PFKFB3: variants seen among roughly 807,000 people sequenced by gnomAD.
PFKFB3 encodes the protein 6-phosphofructo-2-kinase/fructose-2,6-bisphosphatase 3.
PFKFB3 carries 33 observed loss-of-function variants against 68.0 expected under a neutral mutation model. The ratio of observed to expected loss-of-function variants is 0.49; its 90% CI spans 0.37 to 0.65. The LOEUF is 0.65. PFKFB3 is among the 30% of genes least tolerant of loss of function. PFKFB3 has a pLI of 0.00. For synonymous variants in PFKFB3, 315 were observed against 288.2 expected (o/e 1.09, Z -0.94); for missense variants, 586 against 712.2 (o/e 0.82, Z 2.02).
intron 14 of PFKFB3, among the ~76,000 whole-genome samples, chr10:6,230,700 C>T (rs1845678332): frequency 6.6e-6 from 1 of 151,520 alleles, no homozygotes; most frequent in Non-Finnish European, 1.5e-5. Context: ...CCTGGGGTCT[C>T]AAGGCCATGG....
At chr10:6,309,742 A>T in the PFKFB3 span, among the ~76,000 whole-genome samples, 1 of 152,150 alleles carries the variant, frequency 6.6e-6, no homozygotes, top group Non-Finnish European at 1.5e-5. Flanking sequence ...TTTTTGCTTC[A>T]AAATAATCAG....
upstream of PFKFB3, among the ~76,000 whole-genome samples, chr10:6,202,134 C>T (rs1468743842): frequency 6.6e-6 from 1 of 152,208 alleles, no homozygotes; most frequent in Non-Finnish European, 1.5e-5. Flanking sequence ...GAATGGTGTA[C>T]ATGGTGAGTG....
At chr10:6,208,143 C>T (rs1053847071) in intron 1 of PFKFB3, among the ~76,000 whole-genome samples, 8 of 152,122 alleles carry the variant, frequency 5.3e-5, no homozygotes, top group Admixed American at 3.9e-4. Context: ...GGTGCAATCA[C>T]GTCTCATTGA....
At chr10:6,161,060 C>T (rs563515563) in intron 1 of PFKFB3, among the ~76,000 whole-genome samples, 4 of 152,062 alleles carry the variant, frequency 2.6e-5, no homozygotes, top group Non-Finnish European at 5.9e-5. Context: ...CTCAGACTCC[C>T]GAGTAGCTGG....
intron 14 of PFKFB3, among the ~76,000 whole-genome samples, chr10:6,230,959 A>G (rs1197724575): frequency 6.6e-6 from 1 of 151,776 alleles, no homozygotes; most frequent in African/African-American, 2.4e-5. Flanking sequence ...CAGGTGATCC[A>G]CCCGCCTTGG....
chr10:6,155,775 G>A (rs900891323), intron 1 of PFKFB3, among the ~76,000 whole-genome samples: 2 of 151,970 alleles, frequency 1.3e-5, no homozygotes, highest in Non-Finnish European at 2.9e-5. Context: ...GCTAACCCTC[G>A]TGCCACAGGC....
the PFKFB3 span, among the ~76,000 whole-genome samples, chr10:6,320,044 T>A: frequency 6.6e-6 from 1 of 151,230 alleles, no homozygotes; most frequent in African/African-American, 2.4e-5. Flanking sequence ...ACCGAAAAAA[T>A]ACAAAAAATT....
intron 1 of PFKFB3, among the ~76,000 whole-genome samples, chr10:6,156,293 G>T (rs914963564): frequency 6.6e-6 from 1 of 151,266 alleles, no homozygotes; most frequent in African/African-American, 2.4e-5. Flanking sequence ...AGCTGGGACC[G>T]CAGGTGTGCG....
intron 1 of PFKFB3, 109 bp from the exon 2 acceptor site, chr10:6,213,514 C>T (rs546102329): frequency 7.4e-7 from 1 of 1,353,142 alleles, no homozygotes; most frequent in African/African-American, 1.4e-5. Flanking sequence ...GAGACCCTGT[C>T]TCAAAAACAT....
At chr10:6,322,907 T>A in the PFKFB3 span, among the ~76,000 whole-genome samples, 1 of 152,356 alleles carries the variant, frequency 6.6e-6, no homozygotes, top group East Asian at 1.9e-4. Flanking sequence ...TTGTTTATTG[T>A]CAGTCTTTGC....
intron 1 of PFKFB3, among the ~76,000 whole-genome samples, chr10:6,182,820 C>G (rs1348729135): frequency 6.6e-6 from 1 of 152,224 alleles, no homozygotes; most frequent in Non-Finnish European, 1.5e-5. Flanking sequence ...GTCCAGTGTC[C>G]ATGGCCAGGG....
chr10:6,304,123 T>A, the PFKFB3 span, among the ~76,000 whole-genome samples: 2 of 152,334 alleles, frequency 1.3e-5, no homozygotes, highest in East Asian at 3.9e-4. Context: ...TTTCTTAAAG[T>A]GAAGAATCCT....
intron 1 of PFKFB3, among the ~76,000 whole-genome samples, chr10:6,177,419 T>C (rs1235741958): frequency 7.6e-6 from 1 of 132,342 alleles, no homozygotes; most frequent in Non-Finnish European, 1.6e-5. Flanking sequence ...TTCTTTCTCT[T>C]TCTTCCTTTC....
the PFKFB3 span, among the ~76,000 whole-genome samples, chr10:6,295,304 C>A: frequency 2.0e-5 from 3 of 152,106 alleles, no homozygotes; most frequent in African/African-American, 7.2e-5. Context: ...TCACTGCAAC[C>A]TCTGCCTCCA....
chr10:6,194,934 G>A (rs565340378), intron 1 of PFKFB3, among the ~76,000 whole-genome samples: 17 of 151,096 alleles, frequency 1.1e-4, no homozygotes, highest in East Asian at 5.8e-4. Context: ...ATGCAGTGGC[G>A]CAATCTCGGC....
At chr10:6,315,613 A>G in the PFKFB3 span, among the ~76,000 whole-genome samples, 3 of 152,132 alleles carry the variant, frequency 2.0e-5, no homozygotes, top group African/African-American at 7.2e-5. Flanking sequence ...CCTCCTGAGT[A>G]GCTGAGATTA....
intron 1 of PFKFB3, among the ~76,000 whole-genome samples, chr10:6,186,069 C>T (rs1588440588): frequency 6.6e-6 from 1 of 151,598 alleles, no homozygotes; most frequent in Admixed American, 6.6e-5. Flanking sequence ...TAGAGCAAGG[C>T]CAGAATAGGA....
chr10:6,310,346 G>C, the PFKFB3 span, among the ~76,000 whole-genome samples: 1 of 152,052 alleles, frequency 6.6e-6, no homozygotes, highest in Non-Finnish European at 1.5e-5. Context: ...AATTTACAAG[G>C]CAGGTTTTAT....
At chr10:6,321,732 T>C in the PFKFB3 span, among the ~76,000 whole-genome samples, 1 of 152,218 alleles carries the variant, frequency 6.6e-6, no homozygotes, top group Non-Finnish European at 1.5e-5. Context: ...AACTGCTGAA[T>C]ACTGTTTGAG....
Sources: gnomAD v4.1 joint callset for allele counts (sites outside exome capture counted in the v4.1 genomes callset) on GRCh38, gnomAD v4.1.1 for gene constraint, MANE v1.5 for transcripts, NCBI Gene and HGNC (gene_info 2026-07-23, HGNC 2026-07-21) for gene names.